Variants in FNIP1 observed in about 807,000 individuals in gnomAD.
FNIP1 encodes the protein folliculin interacting protein 1.
In FNIP1, 40 loss-of-function variants were observed where a neutral mutation model predicts 124.5. That is an observed-to-expected ratio of 0.32 (90% CI 0.25 to 0.42). The LOEUF (loss-of-function observed/expected upper bound fraction) is 0.42, where lower values mean the gene tolerates loss of function less well. Ranked by LOEUF, FNIP1 falls within the 10% of genes least tolerant of loss-of-function variation. The pLI is 1.00. For missense variants in FNIP1, 1,176 were observed against 1,403.7 expected, an observed-to-expected ratio of 0.84 and a Z score of 2.59; for synonymous variants, 472 against 470.6, an observed-to-expected ratio of 1.00 and a Z score of -0.04.
chr5:131,670,551 G>A lies in FNIP1; in HGVS notation c.3020C>T (p.Ser1007Phe). The change falls in exon 15 of 18, where the codon TCT becomes TTT. Residue 1007 changes from serine to phenylalanine, a missense_variant. Around this residue, in one of 2 missense-constraint regions of FNIP1, gnomAD observed 1,109 missense variants for 1,288.5 expected, o/e 0.86. Coordinates refer to ENST00000510461, the MANE Select transcript of FNIP1 (RefSeq NM_133372.3). ...TTGAAGAACAAAGTCAGGCACATAA[G>A]ATGAGCAGTAGCCACCCAGCAAGGA... The part of the protein sequence containing the change: ...GRSLLGGYCS[S>F]YVPDFVLQGI... 6.2e-7 allele frequency: 1 copy of A among 1,613,868 alleles called. No individual in the cohort carries two copies. The highest frequency in any genetic ancestry group is 8.5e-7 in the Non-Finnish European group (1 of 1,179,932).
chr5:131,699,409 T>C (rs546924627), intron 10 of FNIP1, among the ~76,000 whole-genome samples: 1 of 151,440 alleles, frequency 6.6e-6, no homozygotes, highest in South Asian at 2.1e-4. Context: ...TTTTTTTTTT[T>C]TTTGACAAGA....
At chr5:131,792,566 A>C (rs982632403) in intron 1 of FNIP1, among the ~76,000 whole-genome samples, 3 of 152,214 alleles carry the variant, frequency 2.0e-5, no homozygotes, top group Non-Finnish European at 4.4e-5. Context: ...AGAATCCCTG[A>C]TATAAAGAAT....
At chr5:131,664,083 T>C (rs1458068944) in intron 15 of FNIP1, among the ~76,000 whole-genome samples, 2 of 152,200 alleles carry the variant, frequency 1.3e-5, no homozygotes, top group Non-Finnish European at 2.9e-5. Context: ...TCTGTAGGTA[T>C]AAGCAAGTTT....
At chr5:131,734,012 T>C (rs1770196992) in intron 2 of FNIP1, among the ~76,000 whole-genome samples, 1 of 152,194 alleles carries the variant, frequency 6.6e-6, no homozygotes, top group South Asian at 2.1e-4. Context: ...TCAGAGCCTG[T>C]TACTGGTCTA....
intron 1 of FNIP1, among the ~76,000 whole-genome samples, chr5:131,776,848 T>C (rs1771824251): frequency 6.6e-6 from 1 of 152,234 alleles, no homozygotes. Context: ...GCTTATTATA[T>C]ATTATATAAA....
chr5:131,642,299 A>C lies in FNIP1; in HGVS notation c.*2386T>G, dbSNP rs1300564388. 1 of 152,712 alleles carries C rather than the reference A, an allele frequency of 6.5e-6. No individual in the cohort carries two copies. Among genetic ancestry groups the C allele is most frequent in the Non-Finnish European group, 1.5e-5 (1 of 68,036 alleles). 9.5% of individuals were successfully genotyped at this position (152,712 alleles called of 1,614,324 possible). A position where few individuals can be genotyped will look rare whatever the true frequency, so the allele number is the denominator to read the frequency against. ...TGGTGAAGGTAATAGAAATTATAGA[A>C]GGATTAGGAATTACAAAACTCAGGA... On this transcript the variant is annotated 3_prime_UTR_variant, in exon 18 of 18. Transcript: ENST00000510461.
intron 1 of FNIP1, among the ~76,000 whole-genome samples, chr5:131,766,087 T>C (rs765812594): frequency 1.3e-5 from 2 of 152,070 alleles, no homozygotes; most frequent in African/African-American, 4.8e-5. Flanking sequence ...TTTCCTCTAT[T>C]CTATAGTGTT....
Position 131,716,569 on chromosome 5 carries a change from A to G in FNIP1, c.618T>C (p.Asn206=). The change falls in exon 6 of 18, where the codon AAT becomes AAC. Residue 206 remains asparagine (N), a synonymous_variant. Transcript: ENST00000510461. ...NNTVINGLLG[N]IGLSQFCSPR... ...AAAATCAAAGGAACCATTTACCTAT[A>G]TTTCCAAGCAGTCCATTAATAACTG... is the stretch of plus-strand genomic sequence containing the variant. The G allele has an allele frequency of 1.1e-5, 18 of 1,585,630 alleles. No individual in the cohort carries two copies. Among genetic ancestry groups the G allele is most frequent in the Non-Finnish European group, 1.5e-5 (17 of 1,163,694 alleles).
At chr5:131,793,284 A>G (rs1466538371) in intron 1 of FNIP1, among the ~76,000 whole-genome samples, 1 of 152,052 alleles carries the variant, frequency 6.6e-6, no homozygotes, top group African/African-American at 2.4e-5. Context: ...TCCTCCCGCC[A>G]TGGGCCTCCC....
At chr5:131,670,386 A>T in intron 15 of FNIP1, 77 bp downstream of exon 15, 1 of 1,347,656 alleles carries the variant, frequency 7.4e-7, no homozygotes, top group Non-Finnish European at 9.9e-7. Context: ...TATGACCAAA[A>T]ATATAAGGCA....
intron 1 of FNIP1, among the ~76,000 whole-genome samples, chr5:131,760,650 T>C (rs1771196180): frequency 6.6e-6 from 1 of 152,120 alleles, no homozygotes; most frequent in African/African-American, 2.4e-5. Context: ...TTGAACTATG[T>C]TAGTTGTTCT....
chr5:131,751,087 C>CTCTT (rs1424063513), intron 1 of FNIP1, among the ~76,000 whole-genome samples: 3 of 152,128 alleles, frequency 2.0e-5, no homozygotes, highest in Non-Finnish European at 4.4e-5. Context: ...AGATGTAAAG[C>CTCTT]TCTTCATGGG....
intron 11 of FNIP1, among the ~76,000 whole-genome samples, chr5:131,696,919 C>T (rs1378991659): frequency 6.6e-6 from 1 of 152,026 alleles, no homozygotes; most frequent in Non-Finnish European, 1.5e-5. Context: ...TTCTCTTTCT[C>T]AATAATTGAG....
chr5:131,703,958 C>A, intron 10 of FNIP1, 107 bp downstream of exon 10: 1 of 916,814 alleles, frequency 1.1e-6, no homozygotes, highest in East Asian at 2.7e-5. Flanking sequence ...CTTTATAGGA[C>A]ACATGCACAA....
chr5:131,735,543 C>T (rs1168600234), intron 2 of FNIP1, among the ~76,000 whole-genome samples: 2 of 146,874 alleles, frequency 1.4e-5, no homozygotes, highest in African/African-American at 2.5e-5. Context: ...TATTTATATA[C>T]ATGTATATAC....
chr5:131,753,788 A>G (rs1284546917), intron 1 of FNIP1, among the ~76,000 whole-genome samples: 2 of 152,110 alleles, frequency 1.3e-5, no homozygotes, highest in African/African-American at 4.8e-5. Flanking sequence ...ATCAAGTTAC[A>G]TTACATTATG....
intron 3 of FNIP1, among the ~76,000 whole-genome samples, chr5:131,724,906 G>C (rs186970381): frequency 7.0e-4 from 107 of 152,274 alleles, no homozygotes; most frequent in Middle Eastern, 3.4e-3. Context: ...TCCAGTTTCA[G>C]TTTTCTGCAT....
intron 6 of FNIP1, among the ~76,000 whole-genome samples, chr5:131,712,427 C>CA (rs1452232749): frequency 6.6e-6 from 1 of 152,200 alleles, no homozygotes; most frequent in Non-Finnish European, 1.5e-5. Flanking sequence ...CCGAGACTTT[C>CA]AGGGGGTCTG....
chr5:131,670,730 C>G, intron 14 of FNIP1, 99 bp from the exon 15 acceptor site: 3 of 837,486 alleles, frequency 3.6e-6, no homozygotes, highest in Non-Finnish European at 5.3e-6. Flanking sequence ...ATATTTTACA[C>G]TAGTCTGTAT....
Sources: allele counts gnomAD v4.1 joint callset (sites outside exome capture counted in the v4.1 genomes callset), GRCh38; gene constraint gnomAD v4.1.1; regional missense constraint gnomAD v4.1.1; transcripts MANE v1.5; gene names NCBI Gene and HGNC (gene_info 2026-07-23, HGNC 2026-07-21).